Variants in TMEM117 observed in about 807,000 individuals in gnomAD.
TMEM117 encodes transmembrane protein 117.
A neutral mutation model predicts 52.4 loss-of-function variants in TMEM117; 27 were observed. That is an observed-to-expected ratio of 0.51 (90% CI 0.38 to 0.71). The LOEUF (loss-of-function observed/expected upper bound fraction) is 0.71, where lower values mean the gene tolerates loss of function less well. Ranked by LOEUF, TMEM117 falls within the 30% of genes least tolerant of loss-of-function variation. The pLI, the probability that TMEM117 is intolerant of heterozygous loss-of-function variation, is 0.00. For missense variants in TMEM117, 556 were observed against 630.5 expected (o/e 0.88, Z 1.26); for synonymous variants, 215 against 206.3 (o/e 1.04, Z -0.36).
intron 3 of TMEM117, among the ~76,000 whole-genome samples, chr12:44,026,066 C>G (rs1209343099): frequency 1.3e-5 from 2 of 152,164 alleles, no homozygotes; most frequent in East Asian, 3.8e-4. Context: ...ACCATACTGA[C>G]TGGTTTGTGG....
intron 3 of TMEM117, among the ~76,000 whole-genome samples, chr12:44,085,631 A>G (rs1159481048): frequency 6.6e-6 from 1 of 152,200 alleles, no homozygotes; most frequent in African/African-American, 2.4e-5. Flanking sequence ...GGGAAAGCAA[A>G]ATGGTGTTTT....
At chr12:44,044,450 C>G (rs1946849648) in intron 3 of TMEM117, among the ~76,000 whole-genome samples, 1 of 152,198 alleles carries the variant, frequency 6.6e-6, no homozygotes, top group Non-Finnish European at 1.5e-5. Context: ...CTGACCCATC[C>G]TGCCATAATG....
chr12:44,123,167 A>G (rs2138144526), intron 3 of TMEM117, among the ~76,000 whole-genome samples: 1 of 151,376 alleles, frequency 6.6e-6, no homozygotes, highest in South Asian at 2.1e-4. Context: ...ATCGTTGTTG[A>G]GCTTTTTTTC....
chr12:44,397,438 C>T, the TMEM117 span, among the ~76,000 whole-genome samples: 2 of 152,142 alleles, frequency 1.3e-5, no homozygotes, highest in Non-Finnish European at 2.9e-5. Context: ...AGTAAGTTTA[C>T]AGGCAGGACC....
intron 6 of TMEM117, among the ~76,000 whole-genome samples, chr12:44,332,449 C>G (rs766783216): frequency 6.6e-6 from 1 of 151,954 alleles, no homozygotes; most frequent in South Asian, 2.1e-4. Flanking sequence ...TTATTTAAGC[C>G]TACCTTTGAA....
At chr12:44,291,234 T>C (rs1655056591) in intron 5 of TMEM117, among the ~76,000 whole-genome samples, 1 of 152,062 alleles carries the variant, frequency 6.6e-6, no homozygotes. Flanking sequence ...AAGAATTTTA[T>C]TCTTTATTAT....
At chr12:44,274,192 A>G (rs1950483997) in intron 5 of TMEM117, among the ~76,000 whole-genome samples, 1 of 152,120 alleles carries the variant, frequency 6.6e-6, no homozygotes, top group South Asian at 2.1e-4. Context: ...GAAATTTTAA[A>G]AAGTAATCCC....
intron 6 of TMEM117, among the ~76,000 whole-genome samples, chr12:44,374,212 G>A (rs1340785108): frequency 6.6e-6 from 1 of 152,106 alleles, no homozygotes; most frequent in Non-Finnish European, 1.5e-5. Flanking sequence ...AGTCTGAAGA[G>A]GTATCTAGAG....
chr12:44,322,563 C>T (rs980832192), intron 6 of TMEM117, among the ~76,000 whole-genome samples: 2 of 152,090 alleles, frequency 1.3e-5, no homozygotes, highest in African/African-American at 4.8e-5. Context: ...AATAGTAGGT[C>T]ATCACCACTA....
rs1466239119 is a variant in TMEM117 at position 43,892,152 on chromosome 12, A to G, written c.277+47224A>G. On this transcript the variant is annotated intron_variant, in intron 2 of 7. Coordinates refer to ENST00000266534, the MANE Select transcript of TMEM117 (RefSeq NM_032256.3). ...TTAGGACTCATGGCTGGGATTTATT[A>G]TGGAGAAAGAATCTAAAAGAAAGTC... 8.5e-5 allele frequency among the ~76,000 whole-genome samples: 13 copies of G among 152,234 alleles called. No individual in the cohort carries two copies. In the East Asian group the frequency reaches 2.3e-3, roughly 27 times the overall value.
chr12:44,092,354 G>GT (rs1339106778), intron 3 of TMEM117, among the ~76,000 whole-genome samples: 1 of 152,182 alleles, frequency 6.6e-6, no homozygotes, highest in Non-Finnish European at 1.5e-5. Context: ...AAGCAAAGCA[G>GT]TGTTTGGCTG....
chr12:44,317,974 G>GC (rs1951079934), intron 6 of TMEM117, among the ~76,000 whole-genome samples: 1 of 152,174 alleles, frequency 6.6e-6, no homozygotes, highest in African/African-American at 2.4e-5. Flanking sequence ...GCCACCTAGC[G>GC]CCCAGAGGTA....
chr12:43,798,496 G>C, the TMEM117 span: 1 of 1,413,676 alleles, frequency 7.1e-7, no homozygotes, highest in South Asian at 1.4e-5. Context: ...TTAAAAAAAT[G>C]AATGGAGATT....
rs1945089195 is a variant in TMEM117 at position 43,944,138 on chromosome 12, T to A, written c.278-72T>A. On this transcript the variant is annotated intron_variant, in intron 2 of 7. Coordinates refer to ENST00000266534, the MANE Select transcript of TMEM117 (RefSeq NM_032256.3). ...ATATAGTGAGACATTAAAAGATTCA[T>A]TAAAATAAAGCAAAGATCCATGAAT... 4 of 1,357,404 alleles carry A rather than the reference T, an allele frequency of 2.9e-6. No homozygotes were observed. The East Asian group carries it at 9.6e-5, about 33-fold the overall frequency. The allele number at this position is 1,357,404 out of a possible 1,614,324, so 84.1% of individuals were successfully genotyped here. A position where few individuals can be genotyped will look rare whatever the true frequency, so the allele number is the denominator to read the frequency against.
chr12:43,875,694 A>G (rs1943783637), intron 2 of TMEM117, among the ~76,000 whole-genome samples: 1 of 152,200 alleles, frequency 6.6e-6, no homozygotes, highest in Admixed American at 6.5e-5. Flanking sequence ...AGGGCCTAGA[A>G]CAAAAACCTG....
chr12:44,397,527 C>T, the TMEM117 span, among the ~76,000 whole-genome samples: 5 of 152,134 alleles, frequency 3.3e-5, no homozygotes, highest in Non-Finnish European at 7.4e-5. Flanking sequence ...GGAAAATAAA[C>T]ACAAGTCGGA....
the TMEM117 span, among the ~76,000 whole-genome samples, chr12:43,823,010 G>A: frequency 1.8e-4 from 28 of 152,196 alleles, no homozygotes; most frequent in African/African-American, 6.3e-4. Context: ...CACAGTACAC[G>A]TTTAAGGGAT....
intron 3 of TMEM117, among the ~76,000 whole-genome samples, chr12:44,089,083 C>G (rs939383494): frequency 1.3e-5 from 2 of 152,056 alleles, no homozygotes; most frequent in African/African-American, 4.8e-5. Flanking sequence ...TTTGATACTT[C>G]AAGTATTAAG....
chr12:44,048,726 G>A (rs1043132409), intron 3 of TMEM117, among the ~76,000 whole-genome samples: 8 of 152,172 alleles, frequency 5.3e-5, no homozygotes, highest in Non-Finnish European at 8.8e-5. Flanking sequence ...GAGTAATACC[G>A]TTGGCCAAGA....
Sources: allele counts gnomAD v4.1 joint callset (sites outside exome capture counted in the v4.1 genomes callset), GRCh38; gene constraint gnomAD v4.1.1; transcripts MANE v1.5; gene names NCBI Gene and HGNC (gene_info 2026-07-23, HGNC 2026-07-21).